Variants in RCAN2 observed in about 807,000 individuals in gnomAD.
The protein encoded by RCAN2 is regulator of calcineurin 2, also known as calcipressin-2.
In RCAN2, 9 loss-of-function variants were observed where a neutral mutation model predicts 23.6. That is an observed-to-expected ratio of 0.38 (90% confidence interval 0.23 to 0.67). The LOEUF is 0.67. Ranked by LOEUF, RCAN2 falls within the 30% of genes least tolerant of loss-of-function variation. RCAN2 has a pLI of 0.51. For missense variants in RCAN2, 273 were observed against 302.3 expected, an observed-to-expected ratio of 0.90 and a Z score of 0.72; for synonymous variants, 109 against 115.7, an observed-to-expected ratio of 0.94 and a Z score of 0.37.
chr6:46,459,463 G>A (rs532420252), intron 1 of RCAN2, among the ~76,000 whole-genome samples: 4 of 152,074 alleles, frequency 2.6e-5, no homozygotes, highest in Admixed American at 6.6e-5. Context: ...TACTCAAATA[G>A]CCTTAATTTC....
chr6:46,343,375 A>T (rs1764387487), intron 2 of RCAN2, among the ~76,000 whole-genome samples: 4 of 135,660 alleles, frequency 2.9e-5, no homozygotes, highest in Non-Finnish European at 3.1e-5. Flanking sequence ...TGGGAAAACA[A>T]TTTTTTTTTT....
intron 2 of RCAN2, among the ~76,000 whole-genome samples, chr6:46,368,897 C>G (rs957964470): frequency 6.6e-5 from 10 of 152,104 alleles, no homozygotes; most frequent in Admixed American, 6.5e-5. Flanking sequence ...CCTTCAATAA[C>G]AAATTAACCT....
intron 2 of RCAN2, among the ~76,000 whole-genome samples, chr6:46,307,471 G>T (rs1357450827): frequency 6.6e-6 from 1 of 152,050 alleles, no homozygotes; most frequent in Non-Finnish European, 1.5e-5. Context: ...GGTCATGGTG[G>T]TGGCTGAAAA....
intron 2 of RCAN2, among the ~76,000 whole-genome samples, chr6:46,397,290 C>T (rs140433915): frequency 7.2e-5 from 11 of 151,904 alleles, no homozygotes; most frequent in East Asian, 3.9e-4. Flanking sequence ...GGAGTTCCCA[C>T]GCAGTGATAA....
intron 2 of RCAN2, among the ~76,000 whole-genome samples, chr6:46,439,223 C>A (rs1407729101): frequency 6.6e-6 from 1 of 152,126 alleles, no homozygotes; most frequent in Non-Finnish European, 1.5e-5. Flanking sequence ...ATAAATAAAG[C>A]ACAATTTAAA....
intron 2 of RCAN2, among the ~76,000 whole-genome samples, chr6:46,318,229 C>A (rs1367776487): frequency 1.3e-5 from 2 of 152,116 alleles, no homozygotes; most frequent in Admixed American, 6.5e-5. Context: ...GGAAGAAAAT[C>A]TTACAATTAA....
chr6:46,389,896 AC>A (rs1765878481), intron 2 of RCAN2, among the ~76,000 whole-genome samples: 1 of 152,192 alleles, frequency 6.6e-6, no homozygotes, highest in African/African-American at 2.4e-5. Flanking sequence ...AGGAAGGCTG[AC>A]AAAATTCTTC....
At chr6:46,306,057 G>A (rs1344277930) in intron 2 of RCAN2, among the ~76,000 whole-genome samples, 1 of 151,974 alleles carries the variant, frequency 6.6e-6, no homozygotes, top group East Asian at 1.9e-4. Context: ...AAAGTATGCT[G>A]TGGCCACACC....
At chr6:46,374,737 AT>A (rs1360228538) in intron 2 of RCAN2, among the ~76,000 whole-genome samples, 3 of 152,206 alleles carry the variant, frequency 2.0e-5, no homozygotes, top group Non-Finnish European at 4.4e-5. Context: ...ACAGTCCAGG[AT>A]TTTCTTTATC....
intron 2 of RCAN2, among the ~76,000 whole-genome samples, chr6:46,265,892 C>T (rs970149326): frequency 1.1e-4 from 17 of 152,190 alleles, no homozygotes; most frequent in Non-Finnish European, 2.5e-4. Flanking sequence ...TCCTGTAGCA[C>T]ATGAGCATAT....
At chr6:46,481,786 A>G (rs1378665062) in intron 1 of RCAN2, among the ~76,000 whole-genome samples, 8 of 152,088 alleles carry the variant, frequency 5.3e-5, no homozygotes, top group Admixed American at 5.2e-4. Flanking sequence ...AAAAAAATGC[A>G]TATATTTGGC....
chr6:46,389,687 A>G (rs1373117097), intron 2 of RCAN2, among the ~76,000 whole-genome samples: 1 of 152,238 alleles, frequency 6.6e-6, no homozygotes, highest in East Asian at 1.9e-4. Flanking sequence ...AAAGAAAATA[A>G]AGTCGTAGAG....
rs535654216 is a variant in RCAN2, at chr6:46,225,844, T to A, written c.572-2543A>T. On this transcript the variant is annotated intron_variant, in intron 4 of 4. Transcript: ENST00000371374. ...GTTGCCATTGCTTCTGGTGTTTCAG[T>A]CATGAAGTCCTTGCCCATGCCTATG... Among the ~76,000 whole-genome samples the A allele has an allele frequency of 1.9e-3, 292 of 152,306 alleles. 2 individuals carry two copies. The highest frequency in any genetic ancestry group is 6.4e-3 in the African/African-American group (265 of 41,574).
At chr6:46,447,891 A>G (rs1767761223) in intron 2 of RCAN2, among the ~76,000 whole-genome samples, 1 of 151,762 alleles carries the variant, frequency 6.6e-6, no homozygotes, top group South Asian at 2.1e-4. Flanking sequence ...TACATCAAAA[A>G]AGAAGATTTC....
At chr6:46,292,569 C>A (rs1008370389) in intron 2 of RCAN2, among the ~76,000 whole-genome samples, 1 of 151,432 alleles carries the variant, frequency 6.6e-6, no homozygotes, top group Non-Finnish European at 1.5e-5. Context: ...TATACAGAAG[C>A]ATTCTTAAAT....
intron 2 of RCAN2, among the ~76,000 whole-genome samples, chr6:46,306,208 A>C (rs192842943): frequency 7.2e-5 from 11 of 152,246 alleles, no homozygotes; most frequent in African/African-American, 1.4e-4. Flanking sequence ...TCCATGTCCA[A>C]AGAGCCAAAC....
At chr6:46,301,155 T>C (rs1762893363) in intron 2 of RCAN2, among the ~76,000 whole-genome samples, 1 of 152,054 alleles carries the variant, frequency 6.6e-6, no homozygotes, top group Non-Finnish European at 1.5e-5. Context: ...AAAATATTTA[T>C]CAACATGTAG....
At chr6:46,278,698 T>C (rs1167784284) in intron 2 of RCAN2, among the ~76,000 whole-genome samples, 1 of 152,232 alleles carries the variant, frequency 6.6e-6, no homozygotes, top group Non-Finnish European at 1.5e-5. Flanking sequence ...TTCCTCACTC[T>C]TTGACATTGA....
intron 2 of RCAN2, among the ~76,000 whole-genome samples, chr6:46,329,963 AG>A (rs1763912224): frequency 6.6e-6 from 1 of 152,236 alleles, no homozygotes; most frequent in Admixed American, 6.5e-5. Flanking sequence ...GCAGCAGCCA[AG>A]CCTGTTTGGC....
Sources: allele counts gnomAD v4.1 joint callset (sites outside exome capture counted in the v4.1 genomes callset), GRCh38; gene constraint gnomAD v4.1.1; transcripts MANE v1.5; gene names NCBI Gene and HGNC (gene_info 2026-07-23, HGNC 2026-07-21).